The following SASH1 variants were observed in gnomAD, a reference collection of about 807,000 sequenced individuals.
SASH1 encodes SAM and SH3 domain-containing protein 1.
A neutral mutation model predicts 125.2 loss-of-function variants in SASH1; 44 were observed. The ratio of observed to expected loss-of-function variants is 0.35; its 90% CI spans 0.28 to 0.45. The LOEUF (loss-of-function observed/expected upper bound fraction) is 0.45. SASH1 is among the 20% of genes least tolerant of loss of function. SASH1 has a pLI of 1.00. For synonymous variants in SASH1, 639 were observed against 649.1 expected, an observed-to-expected ratio of 0.98 and a Z score of 0.24; for missense variants, 1,426 against 1,614.5, an observed-to-expected ratio of 0.88 and a Z score of 2.00.
chr6:148,376,886 C>G (rs1228958329), intron 1 of SASH1, among the ~76,000 whole-genome samples: 1 of 151,418 alleles, frequency 6.6e-6, no homozygotes, highest in African/African-American at 2.4e-5. Context: ...AAAGATGAAA[C>G]TCGGCCGGGC....
chr6:148,368,767 C>T (rs1210420249), intron 1 of SASH1, among the ~76,000 whole-genome samples: 3 of 131,508 alleles, frequency 2.3e-5, no homozygotes, highest in Non-Finnish European at 3.2e-5. Flanking sequence ...CGCGCACGCG[C>T]GCGCACACAC....
intron 1 of SASH1, among the ~76,000 whole-genome samples, chr6:148,385,366 CAG>C (rs1412515209): frequency 2.6e-5 from 4 of 152,186 alleles, no homozygotes; most frequent in African/African-American, 9.7e-5. Context: ...GTAGGAAAAA[CAG>C]AACTGAAGTG....
At position 148,549,814 on chromosome 6, in the gene SASH1, CTT is replaced by C. The variant is rs910721539; in HGVS notation, c.*1267_*1268del. The C allele has an allele frequency of 1.5e-3, 444 of 306,116 alleles. No individual in the cohort carries two copies. The highest frequency in any genetic ancestry group is 2.0e-3 in the East Asian group (42 of 20,770). 19.0% of individuals were successfully genotyped at this position (306,116 alleles called of 1,614,324 possible). A position where few individuals can be genotyped will look rare whatever the true frequency, so the allele number is the denominator to read the frequency against. On this transcript the variant is annotated 3_prime_UTR_variant, in exon 20 of 20. Coordinates refer to ENST00000367467, the MANE Select transcript of SASH1 (RefSeq NM_015278.5). Reference sequence around the variant, plus strand: ...ACAACTGATTTCAGCACATTCTATCCTTTTTTTTTTTTGAAATGGAGTTTCGC... The same window carrying C: ...ACAACTGATTTCAGCACATTCTATCCTTTTTTTTTTGAAATGGAGTTTCGC...
the SASH1 span, among the ~76,000 whole-genome samples, chr6:148,196,095 G>A: frequency 6.6e-6 from 1 of 152,172 alleles, no homozygotes; most frequent in Non-Finnish European, 1.5e-5. Context: ...CCACCAGGAG[G>A]ATCAGAGTGG....
the SASH1 span, among the ~76,000 whole-genome samples, chr6:148,259,069 G>A: frequency 2.1e-4 from 32 of 152,222 alleles, no homozygotes; most frequent in African/African-American, 4.1e-4. Flanking sequence ...GTTTACCTCC[G>A]TTACCTTGGC....
At chr6:148,508,313 A>G (rs1779918763) in intron 8 of SASH1, 1 of 180,810 alleles carries the variant, frequency 5.5e-6, no homozygotes, top group Non-Finnish European at 1.1e-5. Flanking sequence ...CTGCTCCCTT[A>G]AGGGGGTGTT....
intron 8 of SASH1, among the ~76,000 whole-genome samples, chr6:148,503,412 C>T (rs560371242): frequency 1.3e-5 from 2 of 152,178 alleles, no homozygotes; most frequent in East Asian, 1.9e-4. Context: ...TGTCTAATTA[C>T]GGGGGACCAT....
At chr6:148,279,268 G>A (rs1161520405) in intron 1 of SASH1, among the ~76,000 whole-genome samples, 1 of 152,144 alleles carries the variant, frequency 6.6e-6, no homozygotes, top group Non-Finnish European at 1.5e-5. Flanking sequence ...TAGGATTACA[G>A]ACATGAACCA....
chr6:148,463,141 A>T (rs1469941984), intron 4 of SASH1, among the ~76,000 whole-genome samples: 1 of 151,248 alleles, frequency 6.6e-6, no homozygotes, highest in Non-Finnish European at 1.5e-5. Context: ...GAGAGACTGC[A>T]ATATAATTTT....
intron 16 of SASH1, among the ~76,000 whole-genome samples, chr6:148,535,525 G>A (rs189003119): frequency 1.3e-5 from 2 of 152,326 alleles, no homozygotes; most frequent in Admixed American, 6.5e-5. Context: ...AGGAGGAGAC[G>A]TCTCTCCGCA....
chr6:148,447,311 A>G (rs1404277296), intron 4 of SASH1, among the ~76,000 whole-genome samples: 1 of 152,234 alleles, frequency 6.6e-6, no homozygotes, highest in Non-Finnish European at 1.5e-5. Context: ...AGGCCAATAG[A>G]GCAGTGTTCT....
Position 148,325,698 on chromosome 6 carries a change from A to C in SASH1, n.74+53321A>C, listed in dbSNP as rs569783846. 3.3e-5 allele frequency among the ~76,000 whole-genome samples: 5 copies of C among 152,282 alleles called. No individual in the cohort carries two copies. The East Asian group carries it at 9.7e-4, about 29-fold the overall frequency. On this transcript the variant is annotated intron_variant and non_coding_transcript_variant, in intron 1 of 3. Transcript: ENST00000367469. Reference sequence around the variant, plus strand: ...GTCCCTCACACGACACGTGGGGATTATGGCAACTACAATTCAAGATGAGAT... The same window carrying C: ...GTCCCTCACACGACACGTGGGGATTCTGGCAACTACAATTCAAGATGAGAT...
chr6:148,467,666 G>A (rs748846243), intron 4 of SASH1, among the ~76,000 whole-genome samples: 4 of 152,220 alleles, frequency 2.6e-5, no homozygotes, highest in Non-Finnish European at 4.4e-5. Context: ...GCTGGGCACA[G>A]TGGCTCACGC....
At chr6:148,224,174 T>C in the SASH1 span, among the ~76,000 whole-genome samples, 1 of 152,140 alleles carries the variant, frequency 6.6e-6, no homozygotes, top group East Asian at 1.9e-4. Flanking sequence ...CTCACACCTA[T>C]AATTCCAATG....
At chr6:148,200,014 CTGCG>C in the SASH1 span, among the ~76,000 whole-genome samples, 2 of 152,160 alleles carry the variant, frequency 1.3e-5, no homozygotes, top group Non-Finnish European at 2.9e-5. Flanking sequence ...TATTTCTCAT[CTGCG>C]ACCCTTGATG....
intron 2 of SASH1, among the ~76,000 whole-genome samples, chr6:148,431,197 A>T (rs1776044680): frequency 6.6e-6 from 1 of 151,778 alleles, no homozygotes; most frequent in East Asian, 1.9e-4. Context: ...GACTCCTAAG[A>T]CAATAGATTT....
intron 1 of SASH1, among the ~76,000 whole-genome samples, chr6:148,273,081 G>A (rs193053941): frequency 1.3e-5 from 2 of 151,962 alleles, no homozygotes; most frequent in South Asian, 2.1e-4. Flanking sequence ...GCAACATGGC[G>A]AAACACTGTC....
intron 1 of SASH1, among the ~76,000 whole-genome samples, chr6:148,276,924 AAAT>A (rs1779201042): frequency 6.6e-6 from 1 of 152,140 alleles, no homozygotes; most frequent in South Asian, 2.1e-4. Context: ...CATCTCTAAA[AAAT>A]AATAATAATG....
intron 1 of SASH1, among the ~76,000 whole-genome samples, chr6:148,337,604 C>T (rs994691073): frequency 1.4e-4 from 22 of 152,000 alleles, no homozygotes; most frequent in South Asian, 8.3e-4. Context: ...TCAGGTGATC[C>T]GCCTGCCTGG....
Sources: gnomAD v4.1 joint callset for allele counts (sites outside exome capture counted in the v4.1 genomes callset) on GRCh38, gnomAD v4.1.1 for gene constraint, MANE v1.5 for transcripts, NCBI Gene and HGNC (gene_info 2026-07-23, HGNC 2026-07-21) for gene names.